The following EPHB2 variants were observed in gnomAD, a reference collection of about 807,000 sequenced individuals.
EPHB2 encodes the protein EPH receptor B2.
A neutral mutation model predicts 96.4 loss-of-function variants in EPHB2; 18 were observed. The observed-to-expected ratio is 0.19, with a 90% confidence interval of 0.13 to 0.28. EPHB2 has a LOEUF of 0.28. Ranked by LOEUF, EPHB2 falls within the 10% of genes least tolerant of loss-of-function variation. The probability of loss-of-function intolerance (pLI) is 1.00; values close to 1 mark genes in which losing one functional copy is unlikely to be tolerated. For missense variants in EPHB2, 989 were observed against 1,355.4 expected (o/e 0.73, Z 4.25); for synonymous variants, 506 against 534.1 (o/e 0.95, Z 0.72).
chr1:22,911,999 A>G (rs1640118413), intron 14 of EPHB2, among the ~76,000 whole-genome samples: 1 of 152,162 alleles, frequency 6.6e-6, no homozygotes, highest in African/African-American at 2.4e-5. Flanking sequence ...CCAGAAGGTG[A>G]GCTTCCTATA....
rs796862621 is a variant in EPHB2 at position 22,856,228 on chromosome 1, C to T, written c.812-6809C>T. Among the ~76,000 whole-genome samples, 7 of 152,300 alleles carry T rather than the reference C, an allele frequency of 4.6e-5. 1 individual carries two copies. Among genetic ancestry groups the T allele is most frequent in the African/African-American group, 1.7e-4 (7 of 41,560 alleles). On this transcript the variant is annotated intron_variant, in intron 3 of 15. Transcript: ENST00000374630. ...ACCTGATGCCAATTAACAGCCCCAC[C>T]GTGCCAGGCCCAGATGGAGTCCTGC...
At chr1:22,869,887 C>T (rs776560008) in intron 5 of EPHB2, among the ~76,000 whole-genome samples, 6 of 152,312 alleles carry the variant, frequency 3.9e-5, no homozygotes, top group African/African-American at 1.4e-4. Context: ...CCCCCATCAT[C>T]GGCACTCGCA....
At position 22,766,291 on chromosome 1, in the gene EPHB2, G is replaced by C. The variant is rs1163871729; in HGVS notation, c.62-15130G>C. ...AATGGGGACCACATGGCATCACCTA[G>C]GAAAAGTGGCTAGCACAGTGCCTGG... On this transcript the variant is annotated intron_variant, in intron 1 of 15. Transcript: ENST00000374630. Among the ~76,000 whole-genome samples, 3 of 152,296 alleles carry C rather than the reference G, an allele frequency of 2.0e-5. No individual in the cohort carries two copies. In the East Asian group the frequency reaches 5.8e-4, roughly 29 times the overall value.
At chr1:22,744,698 A>G (rs1458567216) in intron 1 of EPHB2, among the ~76,000 whole-genome samples, 1 of 125,170 alleles carries the variant, frequency 8.0e-6, no homozygotes, top group Non-Finnish European at 1.7e-5. Context: ...AAAAAAAAAA[A>G]GGAAAGCATA....
At chr1:22,821,340 T>C (rs1645149742) in intron 3 of EPHB2, among the ~76,000 whole-genome samples, 1 of 152,192 alleles carries the variant, frequency 6.6e-6, no homozygotes, top group Non-Finnish European at 1.5e-5. Flanking sequence ...GAGCCTATTG[T>C]TAAGGAATAA....
At chr1:22,769,859 T>A (rs1644354851) in intron 1 of EPHB2, among the ~76,000 whole-genome samples, 1 of 151,738 alleles carries the variant, frequency 6.6e-6, no homozygotes, top group Non-Finnish European at 1.5e-5. Flanking sequence ...AGTGGATAAA[T>A]GAATGGAAAG....
chr1:22,889,475 AT>A (rs1639325442), intron 6 of EPHB2, among the ~76,000 whole-genome samples: 1 of 152,228 alleles, frequency 6.6e-6, no homozygotes, highest in African/African-American at 2.4e-5. Context: ...TTTAATGTTC[AT>A]TCATTATGTC....
chr1:22,835,002 C>A lies in EPHB2; in HGVS notation c.812-28035C>A, dbSNP rs376292841. Among the ~76,000 whole-genome samples the A allele has an allele frequency of 2.0e-5, 3 of 152,136 alleles. No individual in the cohort carries two copies. The East Asian group carries it at 5.8e-4, about 29-fold the overall frequency. On this transcript the variant is annotated intron_variant, in intron 3 of 15. Coordinates refer to ENST00000374630, the MANE Select transcript of EPHB2 (RefSeq NM_017449.5). ...GGGGGCATAGTTTGTCAACCTAATA[C>A]CATTTGCCTTGCCAGGATTGGCGAT... is the stretch of plus-strand genomic sequence containing the variant.
At chr1:22,818,448 C>T (rs769142189) in intron 3 of EPHB2, among the ~76,000 whole-genome samples, 3 of 152,154 alleles carry the variant, frequency 2.0e-5, no homozygotes, top group African/African-American at 7.2e-5. Context: ...CTGCCCTCTT[C>T]CCCATCCAGC....
Position 22,912,531 on chromosome 1 carries a change from G to T in EPHB2, c.2784G>T (p.Gly928=). The part of the protein sequence containing the change: ...VDEWLEAIKM[G]QYKESFANAG... ...AGTGGCTGGAGGCCATCAAGATGGG[G>T]CAGTACAAGGAGAGCTTCGCCAATG... Residue 928 remains glycine, a synonymous_variant, in exon 15 of 16, where the codon GGG becomes GGT. Coordinates refer to ENST00000374630, the MANE Select transcript of EPHB2 (RefSeq NM_017449.5). 1 of 1,614,140 alleles carries T rather than the reference G, an allele frequency of 6.2e-7. No individual in the cohort carries two copies. Among genetic ancestry groups the T allele is most frequent in the South Asian group, 1.1e-5 (1 of 91,086 alleles).
At chr1:22,805,633 G>A (rs1644914329) in intron 3 of EPHB2, among the ~76,000 whole-genome samples, 1 of 152,174 alleles carries the variant, frequency 6.6e-6, no homozygotes, top group East Asian at 1.9e-4. Context: ...CTGGACCCAG[G>A]GTCAGCAAGG....
intron 3 of EPHB2, among the ~76,000 whole-genome samples, chr1:22,805,731 TGA>T (rs374263224): frequency 2.6e-5 from 4 of 151,230 alleles, no homozygotes; most frequent in Admixed American, 1.3e-4. Flanking sequence ...CATGTGTGTA[TGA>T]GAGAGAGAGA....
At chr1:22,837,279 C>A (rs759150233) in intron 3 of EPHB2, among the ~76,000 whole-genome samples, 7 of 152,194 alleles carry the variant, frequency 4.6e-5, no homozygotes, top group Non-Finnish European at 1.0e-4. Context: ...CCCCAGTCCC[C>A]TTTCTAGGGC....
chr1:22,895,513 A>C lies in EPHB2; in HGVS notation c.1633A>C (p.Ile545Leu), dbSNP rs757519358. The C allele has an allele frequency of 6.2e-7, 1 of 1,614,242 alleles. No homozygotes were observed. The highest frequency in any genetic ancestry group is 8.5e-7 in the Non-Finnish European group (1 of 1,180,040). Residue 545 changes from isoleucine to leucine, a missense_variant, in exon 8 of 16, where the codon ATC becomes CTC. Coordinates refer to ENST00000374630, the MANE Select transcript of EPHB2 (RefSeq NM_017449.5). Reference sequence around the variant, plus strand: ...CATCCAGGAGAAGTTGCCACTCATCATCGGCTCCTCGGCCGCTGGCCTGGT... The same window carrying C: ...CATCCAGGAGAAGTTGCCACTCATCCTCGGCTCCTCGGCCGCTGGCCTGGT... ...TSIQEKLPLI[I>L]GSSAAGLVFL...
rs75152824 is a variant in EPHB2, at chr1:22,855,284, C to T, written c.812-7753C>T. ...ACTCTTTTCTCCATCCAGTCAAACT[C>T]CTCTCCCCAACTGAAACCCAGAACT... On this transcript the variant is annotated intron_variant, in intron 3 of 15. Coordinates refer to ENST00000374630, the MANE Select transcript of EPHB2 (RefSeq NM_017449.5). Among the ~76,000 whole-genome samples the T allele has an allele frequency of 5.9e-3, 905 of 152,332 alleles. 11 individuals are homozygous for T. The highest frequency in any genetic ancestry group is 0.02 in the African/African-American group (849 of 41,572).
chr1:22,713,583 G>T (rs914606187), intron 1 of EPHB2, among the ~76,000 whole-genome samples: 2 of 151,992 alleles, frequency 1.3e-5, no homozygotes, highest in Non-Finnish European at 2.9e-5. Flanking sequence ...CATTTGGGGG[G>T]CGGTGCTGCC....
chr1:22,730,542 A>T (rs768443627), intron 1 of EPHB2, among the ~76,000 whole-genome samples: 9 of 152,028 alleles, frequency 5.9e-5, no homozygotes, highest in Non-Finnish European at 1.2e-4. Context: ...TGCTGCAGAG[A>T]TGGGAGGGCC....
intron 3 of EPHB2, among the ~76,000 whole-genome samples, chr1:22,816,499 C>A (rs1645077183): frequency 6.6e-6 from 1 of 152,210 alleles, no homozygotes; most frequent in Non-Finnish European, 1.5e-5. Context: ...AGGTCTCAAA[C>A]TTGCCCTTGC....
At chr1:22,777,777 G>A (rs781544919) in intron 1 of EPHB2, among the ~76,000 whole-genome samples, 3 of 152,194 alleles carry the variant, frequency 2.0e-5, no homozygotes, top group African/African-American at 7.2e-5. Context: ...TCTTGGGCCT[G>A]CCTTTGCTTT....
Sources: gnomAD v4.1 joint callset for allele counts (sites outside exome capture counted in the v4.1 genomes callset) on GRCh38, gnomAD v4.1.1 for gene constraint, MANE v1.5 for transcripts, NCBI Gene and HGNC (gene_info 2026-07-23, HGNC 2026-07-21) for gene names.